The following RAB30 variants were observed in gnomAD, a reference collection of about 807,000 sequenced individuals.
RAB30 encodes ras-related protein Rab-30.
Under a neutral mutation model 25.1 loss-of-function variants are expected in RAB30, and 9 were observed. That is an observed-to-expected ratio of 0.36 (90% CI 0.22 to 0.63). The LOEUF is 0.63. Among genes scored for constraint, RAB30 ranks in the 20% least tolerant of loss-of-function variants. The probability of loss-of-function intolerance (pLI) is 0.69; values close to 1 mark genes in which losing one functional copy is unlikely to be tolerated. For missense variants in RAB30, 140 were observed against 243.5 expected, an observed-to-expected ratio of 0.58 and a Z score of 2.83; for synonymous variants, 77 against 86.4, an observed-to-expected ratio of 0.89 and a Z score of 0.60.
intron 3 of RAB30, among the ~76,000 whole-genome samples, chr11:82,990,003 GAC>G (rs1365656897): frequency 1.3e-5 from 2 of 152,192 alleles, no homozygotes; most frequent in African/African-American, 4.8e-5. Flanking sequence ...CTATAGAAAG[GAC>G]ACACACAGTT....
intron 1 of RAB30, among the ~76,000 whole-genome samples, chr11:83,051,910 G>A (rs1476697071): frequency 6.6e-6 from 1 of 152,146 alleles, no homozygotes; most frequent in South Asian, 2.1e-4. Context: ...AATTACTCTG[G>A]GGTAAATAGT....
In RAB30 at chr11:82,977,419, A is replaced by G. The variant is rs1166663959; in HGVS notation, c.*4746T>C. 2 of 152,210 alleles carry G rather than the reference A, an allele frequency of 1.3e-5. No homozygotes were observed. Among genetic ancestry groups the G allele is most frequent in the Non-Finnish European group, 2.9e-5 (2 of 68,040 alleles). The allele number at this position is 152,210 out of a possible 1,614,324, so 9.4% of individuals were successfully genotyped here. A position where few individuals can be genotyped will look rare whatever the true frequency, so the allele number is the denominator to read the frequency against. On this transcript the variant is annotated 3_prime_UTR_variant, in exon 5 of 5. Coordinates refer to ENST00000527633, the MANE Select transcript of RAB30 (RefSeq NM_001286060.2). ...AACATGTTATGAGAGGCAAAGTACT[A>G]CATACAACATGGAATTTAGGTTAAT...
In RAB30 at chr11:82,975,319, A is replaced by G. The variant is rs1856525430; in HGVS notation, c.*6846T>C. The stretch of plus-strand genomic sequence containing the variant: ...CAGCTGTTTTTCAAAAGACTTGTCA[A>G]GTTTTACTATTGTTATTTAATCCAG... On this transcript the variant is annotated 3_prime_UTR_variant, in exon 5 of 5. Coordinates refer to ENST00000527633, the MANE Select transcript of RAB30 (RefSeq NM_001286060.2). 6.6e-6 allele frequency: 1 copy of G among 152,206 alleles called. No individual in the cohort carries two copies. The highest frequency in any genetic ancestry group is 2.4e-5 in the African/African-American group (1 of 41,462). The allele number at this position is 152,206 out of a possible 1,614,324, so 9.4% of individuals were successfully genotyped here.
At chr11:83,039,628 G>A (rs190935980) in intron 1 of RAB30, among the ~76,000 whole-genome samples, 29 of 152,236 alleles carry the variant, frequency 1.9e-4, no homozygotes, top group South Asian at 4.1e-4. Flanking sequence ...TCAGCTAGCC[G>A]AGATCACGCC....
chr11:82,979,725 A>G lies in RAB30; in HGVS notation c.*2440T>C, dbSNP rs1481049498. 6.6e-6 allele frequency: 1 copy of G among 152,208 alleles called. No homozygotes were observed. Among genetic ancestry groups the G allele is most frequent in the Non-Finnish European group, 1.5e-5 (1 of 68,044 alleles). The allele number at this position is 152,208 out of a possible 1,614,324, so 9.4% of individuals were successfully genotyped here. On this transcript the variant is annotated 3_prime_UTR_variant, in exon 5 of 5. Coordinates refer to ENST00000527633, the MANE Select transcript of RAB30 (RefSeq NM_001286060.2). ...CCATAAGGCCTAATCTGGAATTCAT[A>G]CAACTAAGAAAAAAAGAAACAAAGT...
At chr11:83,014,231 T>C (rs1857365774) in intron 1 of RAB30, among the ~76,000 whole-genome samples, 1 of 152,118 alleles carries the variant, frequency 6.6e-6, no homozygotes, top group Non-Finnish European at 1.5e-5. Context: ...CTGAAGTGGG[T>C]ATATTTAAGA....
At position 83,005,788 on chromosome 11, in the gene RAB30, T is replaced by A. The variant is rs1252574564; in HGVS notation, c.-8-8464A>T. ...ATTCTGTATGGCAAAACAATAAAAA[T>A]GAAGAACTGACTGCAATATATATTA... On this transcript the variant is annotated intron_variant, in intron 1 of 4. Transcript: ENST00000527633. Among the ~76,000 whole-genome samples, 4 of 151,968 alleles carry A rather than the reference T, an allele frequency of 2.6e-5. No homozygotes were observed. The East Asian group carries it at 7.7e-4, about 29-fold the overall frequency.
chr11:82,983,765 A>T (rs1291477070), intron 4 of RAB30, among the ~76,000 whole-genome samples: 1 of 152,064 alleles, frequency 6.6e-6, no homozygotes, highest in African/African-American at 2.4e-5. Flanking sequence ...GGTGCTTAAG[A>T]TACAGTAATT....
intron 3 of RAB30, among the ~76,000 whole-genome samples, chr11:82,991,139 G>A (rs973574091): frequency 6.6e-6 from 1 of 152,086 alleles, no homozygotes; most frequent in African/African-American, 2.4e-5. Context: ...GAGGCTCTGG[G>A]AAAGCCCGCA....
intron 4 of RAB30, 150 bp from the exon 5 acceptor site, chr11:82,982,565 T>C (rs971564494): frequency 3.3e-6 from 3 of 915,504 alleles, no homozygotes; most frequent in African/African-American, 3.3e-5. Context: ...AAATGTTTAC[T>C]TTAAAATATG....
At chr11:83,059,620 A>G (rs1349847934) in intron 1 of RAB30, among the ~76,000 whole-genome samples, 4 of 152,200 alleles carry the variant, frequency 2.6e-5, no homozygotes, top group African/African-American at 7.2e-5. Context: ...GAGTTAATCA[A>G]AACTGGGTTT....
At chr11:83,057,414 A>G (rs1858479682) in intron 1 of RAB30, among the ~76,000 whole-genome samples, 1 of 152,196 alleles carries the variant, frequency 6.6e-6, no homozygotes, top group Non-Finnish European at 1.5e-5. Context: ...TTTCCAGGCC[A>G]GAAACATTCT....
chr11:83,063,130 C>T (rs1439910243), intron 1 of RAB30, among the ~76,000 whole-genome samples: 2 of 152,146 alleles, frequency 1.3e-5, no homozygotes, highest in African/African-American at 2.4e-5. Flanking sequence ...ATCTCTTCCC[C>T]AGGGTTCCTG....
At chr11:82,997,804 T>A (rs956100137) in intron 1 of RAB30, among the ~76,000 whole-genome samples, 1 of 152,178 alleles carries the variant, frequency 6.6e-6, no homozygotes, top group African/African-American at 2.4e-5. Context: ...AAGGGCCCTT[T>A]TAGTCTCCTG....
intron 1 of RAB30, among the ~76,000 whole-genome samples, chr11:83,022,881 C>T (rs1248317475): frequency 6.6e-6 from 1 of 151,946 alleles, no homozygotes; most frequent in Non-Finnish European, 1.5e-5. Flanking sequence ...TCTTAGAATA[C>T]ACATGCTGAA....
chr11:83,027,424 G>T (rs1018960064), intron 1 of RAB30, among the ~76,000 whole-genome samples: 3 of 152,096 alleles, frequency 2.0e-5, no homozygotes, highest in Non-Finnish European at 2.9e-5. Context: ...TAGTCAGATA[G>T]AACCCCACCA....
intron 4 of RAB30, 96 bp downstream of exon 4, chr11:82,987,477 TTATTAGCTAAAGAC>T: frequency 9.1e-7 from 1 of 1,104,134 alleles, no homozygotes; most frequent in South Asian, 2.0e-5. Context: ...ACTGCATGAA[TTATTAGCTAAAGAC>T]TATATTCTTG....
At position 83,014,603 on chromosome 11, in the gene RAB30, C is replaced by CAGAGAG. The variant is rs60032268; in HGVS notation, c.-8-17285_-8-17280dup. On this transcript the variant is annotated intron_variant, in intron 1 of 4. Coordinates refer to ENST00000527633, the MANE Select transcript of RAB30 (RefSeq NM_001286060.2). ...AAGAAAAGAAAGAGAGAGGCAGAGG[C>CAGAGAG]AGAGAGAGACAAAGAAAGAAAGAAG... Among the ~76,000 whole-genome samples, 83 of 134,416 alleles carry CAGAGAG rather than the reference C, an allele frequency of 6.2e-4. 3 individuals are homozygous for CAGAGAG. The highest frequency in any genetic ancestry group is 9.4e-4 in the Admixed American group (12 of 12,746). The allele number at this position is 134,416 out of a possible 152,430, so 88.2% of individuals were successfully genotyped here. A position where few individuals can be genotyped will look rare whatever the true frequency, so the allele number is the denominator to read the frequency against.
chr11:83,021,749 G>A (rs1006665743), intron 1 of RAB30, among the ~76,000 whole-genome samples: 10 of 152,254 alleles, frequency 6.6e-5, no homozygotes, highest in Non-Finnish European at 1.2e-4. Context: ...CAGGTTTCCA[G>A]CCAGAAAAGC....
Sources: gnomAD v4.1 joint callset for allele counts (sites outside exome capture counted in the v4.1 genomes callset) on GRCh38, gnomAD v4.1.1 for gene constraint, MANE v1.5 for transcripts, NCBI Gene and HGNC (gene_info 2026-07-23, HGNC 2026-07-21) for gene names.